Variants in CDH10 observed in about 807,000 individuals in gnomAD.
The protein encoded by CDH10 is cadherin-10.
In CDH10, 30 loss-of-function variants were observed where a neutral mutation model predicts 73.1. The observed-to-expected ratio is 0.41, with a 90% confidence interval of 0.31 to 0.56. CDH10 has a LOEUF of 0.56. Ranked by LOEUF, CDH10 falls within the 20% of genes least tolerant of loss-of-function variation. The pLI, the probability that CDH10 is intolerant of heterozygous loss-of-function variation, is 0.27. For synonymous variants in CDH10, 345 were observed against 348.2 expected (o/e 0.99, Z 0.10); for missense variants, 815 against 973.7 (o/e 0.84, Z 2.17).
intron 5 of CDH10, among the ~76,000 whole-genome samples, chr5:24,519,366 T>G (rs1250423282): frequency 6.6e-6 from 1 of 151,992 alleles, no homozygotes. Flanking sequence ...TTAAAAAGGT[T>G]GATAAATCAG....
At chr5:24,594,396 C>G (rs1746303108) in intron 1 of CDH10, among the ~76,000 whole-genome samples, 2 of 151,806 alleles carry the variant, frequency 1.3e-5, no homozygotes, top group African/African-American at 4.8e-5. Context: ...ACAAAATTTC[C>G]TTAGAAATCC....
chr5:24,595,348 TATAA>T (rs1220179068), intron 1 of CDH10, among the ~76,000 whole-genome samples: 1 of 151,962 alleles, frequency 6.6e-6, no homozygotes, highest in African/African-American at 2.4e-5. Context: ...TAAAAGTTAA[TATAA>T]ATGTTTCAAA....
At chr5:24,590,836 G>A (rs995205179) in intron 2 of CDH10, among the ~76,000 whole-genome samples, 1 of 151,950 alleles carries the variant, frequency 6.6e-6, no homozygotes, top group Non-Finnish European at 1.5e-5. Flanking sequence ...AGAGATACCT[G>A]TCACCATGTT....
At chr5:24,594,659 T>C (rs748464862) in intron 1 of CDH10, among the ~76,000 whole-genome samples, 27 of 152,034 alleles carry the variant, frequency 1.8e-4, no homozygotes, top group Middle Eastern at 6.8e-3. Flanking sequence ...AACCAGCAAC[T>C]TCCTACTTGT....
chr5:24,522,192 G>T (rs934311230), intron 5 of CDH10, among the ~76,000 whole-genome samples: 2 of 122,590 alleles, frequency 1.6e-5, no homozygotes, highest in African/African-American at 3.0e-5. Context: ...ATATGTAATT[G>T]TGAGTGTTAA....
rs1393876469 is a variant in CDH10, at chr5:24,491,610, C to G, written c.1842G>C (p.Leu614Phe). 6.2e-7 allele frequency: 1 copy of G among 1,613,484 alleles called. No individual in the cohort carries two copies. The highest frequency in any genetic ancestry group is 8.5e-7 in the Non-Finnish European group (1 of 1,179,742). ...TGATGATGCAGAGGAGGATGGCGAT[C>G]AAGGCCCCAGTGCTGAGGCCGGCAG... is the stretch of plus-strand genomic sequence containing the variant. The part of the protein sequence containing the change: ...LLPAGLSTGA[L>F]IAILLCIIIL... The change falls in exon 11 of 12, where the codon TTG becomes TTC. Residue 614 changes from leucine to phenylalanine, a missense_variant. Physicochemically the swap from Leu to Phe is conservative, Grantham distance 22. Around this residue, in one of 3 missense-constraint regions of CDH10, gnomAD observed 241 missense variants for 240.3 expected, o/e 1.00. Coordinates refer to ENST00000264463, the MANE Select transcript of CDH10 (RefSeq NM_006727.5).
chr5:24,540,057 T>C (rs569880408), intron 2 of CDH10, among the ~76,000 whole-genome samples: 61 of 152,114 alleles, frequency 4.0e-4, no homozygotes, highest in African/African-American at 1.4e-3. Flanking sequence ...CTCCTAAGAA[T>C]TGTGTACTTC....
intron 2 of CDH10, among the ~76,000 whole-genome samples, chr5:24,549,366 T>G (rs1744462216): frequency 2.0e-5 from 3 of 151,826 alleles, no homozygotes; most frequent in Admixed American, 2.0e-4. Flanking sequence ...ATGGAAGAAC[T>G]CCCAAAAGGA....
At chr5:24,505,065 AC>A (rs1401206112) in intron 8 of CDH10, 46 bp downstream of exon 8, 2 of 1,282,942 alleles carry the variant, frequency 1.6e-6, no homozygotes. Context: ...AAATATATAA[AC>A]ATAAACATAT....
chr5:24,537,229 CTGAT>C (rs1282083075), intron 3 of CDH10, 147 bp downstream of exon 3: 1 of 528,114 alleles, frequency 1.9e-6, no homozygotes, highest in African/African-American at 2.0e-5. Context: ...CTTTTTTTTT[CTGAT>C]TGTCTCCTAA....
chr5:24,620,781 C>G (rs1430346725), intron 1 of CDH10, among the ~76,000 whole-genome samples: 1 of 151,916 alleles, frequency 6.6e-6, no homozygotes, highest in African/African-American at 2.4e-5. Flanking sequence ...GGTGCCCATA[C>G]CAGTCTGTAT....
At chr5:24,571,670 C>T (rs1324771094) in intron 2 of CDH10, among the ~76,000 whole-genome samples, 1 of 151,800 alleles carries the variant, frequency 6.6e-6, no homozygotes, top group Admixed American at 6.6e-5. Context: ...GTAGTCCATA[C>T]ATTATTACAT....
chr5:24,553,937 A>AGTTGTCT (rs141405232), intron 2 of CDH10: 99,065 of 150,362 alleles, frequency 0.66, 32,772 homozygotes, highest in East Asian at 0.76. Flanking sequence ...GACGCTATCC[A>AGTTGTCT]GTTGTCTGGC....
At chr5:24,508,477 G>T (rs1168080922) in intron 7 of CDH10, among the ~76,000 whole-genome samples, 1 of 152,118 alleles carries the variant, frequency 6.6e-6, no homozygotes, top group Non-Finnish European at 1.5e-5. Flanking sequence ...TGTGCATTAG[G>T]GGAGTTTCTA....
intron 9 of CDH10, among the ~76,000 whole-genome samples, chr5:24,497,729 T>C (rs940783322): frequency 1.3e-5 from 2 of 152,194 alleles, no homozygotes; most frequent in Non-Finnish European, 2.9e-5. Context: ...TCTGTGAAGA[T>C]AGCACTCAAA....
Position 24,511,430 on chromosome 5 carries a change from T to C in CDH10, c.899A>G (p.Lys300Arg), listed in dbSNP as rs779690859. ...AATTCGGTATTCTACTTCAGCATTT[T>C]TCCCAGTGTCAGCATCAGTTGCTTT... Reference protein sequence around the residue: ...SVKATDADTGKNAEVEYRIID... With the variant: ...SVKATDADTGRNAEVEYRIID... The change falls in exon 6 of 12, where the codon AAA becomes AGA. Residue 300 changes from lysine (K) to arginine (R), a missense_variant. By Grantham distance (26) the Lys-to-Arg change is conservative. Coordinates refer to ENST00000264463, the MANE Select transcript of CDH10 (RefSeq NM_006727.5). The C allele has an allele frequency of 7.1e-5, 115 of 1,611,696 alleles. No homozygotes were observed. The highest frequency in any genetic ancestry group is 9.0e-5 in the Non-Finnish European group (106 of 1,177,892).
chr5:24,595,431 G>A (rs1016741387), intron 1 of CDH10, among the ~76,000 whole-genome samples: 6 of 151,878 alleles, frequency 4.0e-5, no homozygotes, highest in Non-Finnish European at 7.4e-5. Context: ...CGTCCACAAT[G>A]CCTGAAGACG....
intron 2 of CDH10, among the ~76,000 whole-genome samples, chr5:24,592,903 A>AAT (rs10533669): frequency 0.062 from 9,163 of 148,384 alleles, 426 homozygotes; most frequent in African/African-American, 0.13. Context: ...AGCAATGTGA[A>AAT]ATATATATAT....
In CDH10 at chr5:24,552,783, T is replaced by C. The variant is rs570594690; in HGVS notation, c.232-15109A>G. Among the ~76,000 whole-genome samples, 28 of 152,266 alleles carry C rather than the reference T, an allele frequency of 1.8e-4. No individual in the cohort carries two copies. The South Asian group carries it at 5.6e-3, about 30-fold the overall frequency. On this transcript the variant is annotated intron_variant, in intron 2 of 11. Coordinates refer to ENST00000264463, the MANE Select transcript of CDH10 (RefSeq NM_006727.5). Reference sequence around the variant, plus strand: ...TTATTTTTCTGTGCTCCCTTTTATTTTTTTAACTGAATCACAAATTCTTCC... The same window carrying C: ...TTATTTTTCTGTGCTCCCTTTTATTCTTTTAACTGAATCACAAATTCTTCC...
Sources: allele counts gnomAD v4.1 joint callset (sites outside exome capture counted in the v4.1 genomes callset), GRCh38; gene constraint gnomAD v4.1.1; regional missense constraint gnomAD v4.1.1; transcripts MANE v1.5; gene names NCBI Gene and HGNC (gene_info 2026-07-23, HGNC 2026-07-21).